The following GALNT13 variants were observed in gnomAD, a reference collection of about 807,000 sequenced individuals.
GALNT13 encodes polypeptide N-acetylgalactosaminyltransferase 13.
GALNT13 carries 28 observed loss-of-function variants against 64.2 expected under a neutral mutation model. The ratio of observed to expected loss-of-function variants is 0.44; its 90% CI spans 0.32 to 0.60. The LOEUF (loss-of-function observed/expected upper bound fraction) is 0.60, where lower values mean the gene tolerates loss of function less well. Ranked by LOEUF, GALNT13 falls within the 20% of genes least tolerant of loss-of-function variation. The pLI is 0.05. For synonymous variants in GALNT13, 214 were observed against 224.6 expected (o/e 0.95, Z 0.42); for missense variants, 577 against 669.8 (o/e 0.86, Z 1.53).
intron 4 of GALNT13, among the ~76,000 whole-genome samples, chr2:154,229,382 C>T (rs887244354): frequency 6.6e-6 from 1 of 151,542 alleles, no homozygotes; most frequent in East Asian, 1.9e-4. Context: ...TTTAAAAATT[C>T]TATGGGTGAA....
chr2:154,453,922 A>G lies in GALNT13; in HGVS notation c.*3371A>G, dbSNP rs1701967739. The G allele has an allele frequency of 6.6e-6, 1 of 152,164 alleles. No homozygotes were observed. The highest frequency in any genetic ancestry group is 1.5e-5 in the Non-Finnish European group (1 of 68,022). The allele number at this position is 152,164 out of a possible 1,614,324, so 9.4% of individuals were successfully genotyped here. ...CTATGGACTCTAATTTTCTGGATAAAATATCCTGCCTTATGGAAATGAAAT... is the reference window on the plus strand; with the variant it reads ...CTATGGACTCTAATTTTCTGGATAAGATATCCTGCCTTATGGAAATGAAAT... On this transcript the variant is annotated 3_prime_UTR_variant, in exon 13 of 13. Transcript: ENST00000392825.
chr2:154,151,240 T>C (rs1427677381), intron 4 of GALNT13, among the ~76,000 whole-genome samples: 2 of 152,168 alleles, frequency 1.3e-5, no homozygotes, highest in African/African-American at 2.4e-5. Context: ...TTGAGCAGTT[T>C]TGAGTGCGTT....
the GALNT13 span, among the ~76,000 whole-genome samples, chr2:153,332,804 G>A: frequency 6.6e-6 from 1 of 152,168 alleles, no homozygotes; most frequent in African/African-American, 2.4e-5. Context: ...TGCTCAGAAT[G>A]TCTGGAGACC....
chr2:154,306,875 G>A (rs1693769418), intron 9 of GALNT13, among the ~76,000 whole-genome samples: 1 of 152,062 alleles, frequency 6.6e-6, no homozygotes, highest in Admixed American at 6.6e-5. Context: ...GAATCTTGTG[G>A]CCTCTGGCTG....
the GALNT13 span, among the ~76,000 whole-genome samples, chr2:153,241,415 G>C: frequency 6.6e-6 from 1 of 152,130 alleles, no homozygotes; most frequent in Non-Finnish European, 1.5e-5. Flanking sequence ...TGCTAATTTT[G>C]TTCCCCATGC....
the GALNT13 span, among the ~76,000 whole-genome samples, chr2:153,635,088 A>G: frequency 6.6e-6 from 1 of 152,062 alleles, no homozygotes. Flanking sequence ...TTTGTTCTTG[A>G]AAGCAGGGGA....
the GALNT13 span, among the ~76,000 whole-genome samples, chr2:153,848,146 A>G: frequency 6.6e-6 from 1 of 152,320 alleles, no homozygotes; most frequent in South Asian, 2.1e-4. Context: ...TGGGCCAAAG[A>G]CACTGTAAAA....
At chr2:153,280,065 G>A in the GALNT13 span, among the ~76,000 whole-genome samples, 1 of 152,070 alleles carries the variant, frequency 6.6e-6, no homozygotes, top group Non-Finnish European at 1.5e-5. Context: ...GTGTATATAG[G>A]ATTTGAATTT....
At chr2:153,952,730 T>A (rs1308644187) in intron 3 of GALNT13, among the ~76,000 whole-genome samples, 10 of 151,774 alleles carry the variant, frequency 6.6e-5, no homozygotes. Context: ...CACAATAGGC[T>A]ATCTGCAAGC....
At chr2:153,396,567 G>A in the GALNT13 span, among the ~76,000 whole-genome samples, 1 of 151,858 alleles carries the variant, frequency 6.6e-6, no homozygotes, top group African/African-American at 2.4e-5. Context: ...AAAATAATCA[G>A]CATACATAAG....
chr2:153,614,971 T>TAAG, the GALNT13 span, among the ~76,000 whole-genome samples: 3 of 152,088 alleles, frequency 2.0e-5, no homozygotes, highest in African/African-American at 7.2e-5. Flanking sequence ...GTAGGTCTTA[T>TAAG]TCCTTCCAAC....
chr2:153,938,933 C>T (rs1429838251), intron 2 of GALNT13, among the ~76,000 whole-genome samples: 1 of 152,008 alleles, frequency 6.6e-6, no homozygotes, highest in Non-Finnish European at 1.5e-5. Flanking sequence ...CAATTCAGCC[C>T]ATAACAACAA....
intron 4 of GALNT13, among the ~76,000 whole-genome samples, chr2:154,222,952 A>G (rs2105825795): frequency 1.3e-5 from 2 of 152,310 alleles, no homozygotes; most frequent in Middle Eastern, 3.4e-3. Flanking sequence ...ATAATGAAGT[A>G]GAATAAATTA....
intron 11 of GALNT13, among the ~76,000 whole-genome samples, chr2:154,431,302 A>T (rs138800957): frequency 2.0e-5 from 3 of 152,324 alleles, no homozygotes; most frequent in African/African-American, 7.2e-5. Context: ...TACTGCTGGA[A>T]CAAGGTTTCA....
intron 3 of GALNT13, among the ~76,000 whole-genome samples, chr2:154,128,951 T>A (rs1399384749): frequency 6.6e-6 from 1 of 152,200 alleles, no homozygotes; most frequent in Non-Finnish European, 1.5e-5. Flanking sequence ...CTGAATTTAC[T>A]GGTAAAATAT....
At chr2:154,109,843 T>C (rs924095467) in intron 3 of GALNT13, among the ~76,000 whole-genome samples, 4 of 152,188 alleles carry the variant, frequency 2.6e-5, no homozygotes, top group Non-Finnish European at 2.9e-5. Context: ...ATGATACTTT[T>C]AGTAAGTTGT....
chr2:154,024,848 T>C (rs912322598), intron 3 of GALNT13, among the ~76,000 whole-genome samples: 1 of 152,202 alleles, frequency 6.6e-6, no homozygotes, highest in Non-Finnish European at 1.5e-5. Flanking sequence ...TCTTTGATGA[T>C]GGTGACATAC....
At chr2:153,121,354 G>A in the GALNT13 span, among the ~76,000 whole-genome samples, 7 of 152,152 alleles carry the variant, frequency 4.6e-5, no homozygotes, top group South Asian at 4.2e-4. Flanking sequence ...AAATGCTTTC[G>A]TTCAGTGATT....
chr2:154,235,617 A>G (rs1296165054), intron 4 of GALNT13, among the ~76,000 whole-genome samples: 1 of 152,162 alleles, frequency 6.6e-6, no homozygotes, highest in Non-Finnish European at 1.5e-5. Flanking sequence ...TGTTATTAAT[A>G]TTCATTGACT....
Sources: allele counts gnomAD v4.1 joint callset (sites outside exome capture counted in the v4.1 genomes callset), GRCh38; gene constraint gnomAD v4.1.1; transcripts MANE v1.5; gene names NCBI Gene and HGNC (gene_info 2026-07-23, HGNC 2026-07-21).